Variants in EDA observed in about 807,000 individuals in gnomAD.
EDA encodes the protein ectodysplasin A, also known as ectodysplasin-A.
Under a neutral mutation model 23.6 loss-of-function variants are expected in EDA, and 2 were observed. The observed-to-expected ratio is 0.08, with a 90% confidence interval of 0.03 to 0.27. EDA has a LOEUF of 0.27. EDA is among the 10% of genes least tolerant of loss of function. EDA has a pLI of 1.00. For synonymous variants in EDA, 131 were observed against 132.0 expected (o/e 0.99, Z 0.05); for missense variants, 229 against 324.2 (o/e 0.71, Z 2.26).
chrX:69,975,314 G>T (rs750791730), intron 2 of EDA, among the ~76,000 whole-genome samples: 1 of 111,626 alleles, frequency 9.0e-6, no homozygotes, highest in African/African-American at 3.3e-5. Context: ...GGCCTGTACA[G>T]GTACATGGAT....
intron 1 of EDA, among the ~76,000 whole-genome samples, chrX:69,635,924 T>C (rs1932764872): frequency 9.0e-6 from 1 of 110,708 alleles, no homozygotes; most frequent in Non-Finnish European, 1.9e-5. Flanking sequence ...TACTTTTTTT[T>C]TCAACTTGAG....
At chrX:69,895,819 T>C (rs1490985131) in intron 1 of EDA, among the ~76,000 whole-genome samples, 1 of 112,036 alleles carries the variant, frequency 8.9e-6, no homozygotes, top group Non-Finnish European at 1.9e-5. Context: ...AGCCAGGAAA[T>C]TTGAGCTTCC....
intron 1 of EDA, among the ~76,000 whole-genome samples, chrX:69,953,069 C>T (rs2018951212): frequency 8.9e-6 from 1 of 112,074 alleles, no homozygotes; most frequent in Non-Finnish European, 1.9e-5. Context: ...AGAAATCAAG[C>T]AGTAAACAAA....
intron 1 of EDA, among the ~76,000 whole-genome samples, chrX:69,728,787 G>A (rs1602342217): frequency 9.0e-6 from 1 of 111,089 alleles, no homozygotes; most frequent in African/African-American, 3.3e-5. Context: ...GAAGAACCCA[G>A]GTTTAAGAGG....
In EDA at chrX:69,774,093, A is replaced by C. The variant is rs1022823490; in HGVS notation, c.396+157389A>C. Among the ~76,000 whole-genome samples the C allele has an allele frequency of 6.2e-4, 69 of 111,923 alleles. 5 individuals carry two copies. The highest frequency in any genetic ancestry group is 1.9e-5 in the Non-Finnish European group (1 of 53,193). ...CAACACCCTGTTAGGCACTCTACTC[A>C]ATGCCTAGTGAATTATGAGTTTTTC... On this transcript the variant is annotated intron_variant, in intron 1 of 7. Coordinates refer to ENST00000374552, the MANE Select transcript of EDA (RefSeq NM_001399.5).
chrX:69,975,172 C>T (rs1314611322), intron 2 of EDA, among the ~76,000 whole-genome samples: 5 of 111,891 alleles, frequency 4.5e-5, no homozygotes, highest in Non-Finnish European at 7.5e-5. Context: ...CTCATATGTT[C>T]ATGGCAGCAC....
chrX:69,706,825 A>G (rs961032825), intron 1 of EDA, among the ~76,000 whole-genome samples: 1 of 111,261 alleles, frequency 9.0e-6, no homozygotes, highest in South Asian at 3.8e-4. Context: ...TTCTTATCAG[A>G]CTATGTTGAT....
chrX:69,854,729 C>T (rs2017208375), intron 1 of EDA, among the ~76,000 whole-genome samples: 1 of 112,036 alleles, frequency 8.9e-6, no homozygotes, highest in African/African-American at 3.2e-5. Flanking sequence ...TAGATTGGGT[C>T]CATGTCTTTG....
At chrX:69,800,692 C>T (rs2015662957) in intron 1 of EDA, among the ~76,000 whole-genome samples, 1 of 111,400 alleles carries the variant, frequency 9.0e-6, no homozygotes, top group African/African-American at 3.3e-5. Context: ...TGATATTAAC[C>T]ATCATAATCC....
intron 1 of EDA, among the ~76,000 whole-genome samples, chrX:69,796,254 T>A (rs934470048): frequency 9.0e-6 from 1 of 110,537 alleles, no homozygotes; most frequent in African/African-American, 3.3e-5. Flanking sequence ...AACATCTGAG[T>A]AAGTCATCTG....
At chrX:69,704,340 T>C (rs1311497204) in intron 1 of EDA, among the ~76,000 whole-genome samples, 2 of 112,031 alleles carry the variant, frequency 1.8e-5, no homozygotes, top group Non-Finnish European at 3.8e-5. Context: ...TAAGAGGTTG[T>C]GGAGACCAAG....
intron 1 of EDA, among the ~76,000 whole-genome samples, chrX:69,808,011 A>G (rs1359680448): frequency 1.8e-5 from 2 of 111,723 alleles, no homozygotes; most frequent in Non-Finnish European, 3.8e-5. Flanking sequence ...AAATGTGATT[A>G]TGAGTAAAAG....
intron 1 of EDA, among the ~76,000 whole-genome samples, chrX:69,719,029 G>C (rs976843657): frequency 1.8e-5 from 2 of 111,285 alleles, no homozygotes; most frequent in Non-Finnish European, 3.8e-5. Context: ...AGGCTTGGTA[G>C]GTTGTTGTTT....
intron 1 of EDA, among the ~76,000 whole-genome samples, chrX:69,719,126 A>C (rs2012467455): frequency 9.0e-6 from 1 of 111,143 alleles, no homozygotes; most frequent in South Asian, 3.7e-4. Context: ...TAATGGTTGT[A>C]GGATCTAGTG....
chrX:69,933,249 T>G (rs1336869145), intron 1 of EDA, among the ~76,000 whole-genome samples: 1 of 112,555 alleles, frequency 8.9e-6, no homozygotes, highest in East Asian at 2.8e-4. Context: ...TTGTTAATTA[T>G]TTAAAATTTT....
At chrX:69,742,368 G>A (rs2013486167) in intron 1 of EDA, among the ~76,000 whole-genome samples, 1 of 111,827 alleles carries the variant, frequency 8.9e-6, no homozygotes, top group African/African-American at 3.3e-5. Context: ...ATTGCCCAAA[G>A]TAGAGTTTCT....
intron 1 of EDA, among the ~76,000 whole-genome samples, chrX:69,865,712 G>A (rs1055119233): frequency 9.0e-6 from 1 of 111,289 alleles, no homozygotes; most frequent in South Asian, 3.8e-4. Flanking sequence ...TTGTCAACTT[G>A]AACCCATACA....
intron 1 of EDA, among the ~76,000 whole-genome samples, chrX:69,910,645 T>G (rs1315150530): frequency 9.0e-6 from 1 of 111,004 alleles, no homozygotes; most frequent in Non-Finnish European, 1.9e-5. Flanking sequence ...ATCTTTTTCC[T>G]TCCTATTGTC....
intron 1 of EDA, among the ~76,000 whole-genome samples, chrX:69,809,034 T>C (rs1244239085): frequency 5.4e-5 from 6 of 111,607 alleles, no homozygotes; most frequent in Non-Finnish European, 7.5e-5. Flanking sequence ...TCTATCTATA[T>C]TGGGCCACAT....
Sources: gnomAD v4.1 joint callset for allele counts (sites outside exome capture counted in the v4.1 genomes callset) on GRCh38, gnomAD v4.1.1 for gene constraint, MANE v1.5 for transcripts, NCBI Gene and HGNC (gene_info 2026-07-23, HGNC 2026-07-21) for gene names.